The following TPST1 variants were observed in gnomAD, a reference collection of about 807,000 sequenced individuals.
The protein encoded by TPST1 is tyrosylprotein sulfotransferase 1.
TPST1 carries 20 observed loss-of-function variants against 34.8 expected under a neutral mutation model. The observed-to-expected ratio is 0.57, with a 90% CI of 0.40 to 0.84. TPST1 has a LOEUF of 0.84. TPST1 is among the 40% of genes least tolerant of loss of function. The pLI is 0.00. For missense variants in TPST1, 353 were observed against 455.5 expected, an observed-to-expected ratio of 0.78 and a Z score of 2.05; for synonymous variants, 152 against 159.4, an observed-to-expected ratio of 0.95 and a Z score of 0.35.
At chr7:66,311,949 A>T (rs1201893064) in intron 3 of TPST1, among the ~76,000 whole-genome samples, 2 of 152,152 alleles carry the variant, frequency 1.3e-5, no homozygotes, top group South Asian at 2.1e-4. Flanking sequence ...TATCCCAATA[A>T]TTTGTGTTTT....
intron 1 of TPST1, among the ~76,000 whole-genome samples, chr7:66,215,785 T>G (rs1171345050): frequency 1.3e-5 from 2 of 149,164 alleles, no homozygotes; most frequent in East Asian, 3.9e-4. Flanking sequence ...CTTTTTTTTT[T>G]TTTTTGAGAC....
intron 1 of TPST1, among the ~76,000 whole-genome samples, chr7:66,226,248 C>G (rs1584149487): frequency 6.6e-6 from 1 of 152,050 alleles, no homozygotes; most frequent in Non-Finnish European, 1.5e-5. Context: ...TAAGTATGCT[C>G]TGGTAGAGGA....
At chr7:66,309,902 A>G (rs913767248) in intron 3 of TPST1, among the ~76,000 whole-genome samples, 5 of 152,058 alleles carry the variant, frequency 3.3e-5, no homozygotes, top group African/African-American at 1.2e-4. Flanking sequence ...GAGTTATACA[A>G]TTCTTTTAAA....
At chr7:66,310,347 T>C (rs1791505336) in intron 3 of TPST1, among the ~76,000 whole-genome samples, 1 of 152,198 alleles carries the variant, frequency 6.6e-6, no homozygotes, top group Non-Finnish European at 1.5e-5. Flanking sequence ...GAAGTTATCA[T>C]CAATAACACA....
At chr7:66,339,934 A>G (rs1232785655) in intron 3 of TPST1, among the ~76,000 whole-genome samples, 1 of 152,074 alleles carries the variant, frequency 6.6e-6, no homozygotes, top group Non-Finnish European at 1.5e-5. Context: ...CATTACATTA[A>G]TACAATCAAG....
chr7:66,296,637 T>C (rs74607585), intron 3 of TPST1, among the ~76,000 whole-genome samples: 1 of 149,366 alleles, frequency 6.7e-6, no homozygotes, highest in African/African-American at 2.5e-5. Flanking sequence ...TGACTGAGAA[T>C]ATAGGATTTA....
intron 3 of TPST1, among the ~76,000 whole-genome samples, chr7:66,331,655 T>C (rs928671190): frequency 6.6e-6 from 1 of 152,186 alleles, no homozygotes; most frequent in African/African-American, 2.4e-5. Context: ...GTGTCTGTCT[T>C]CTCCTTATGT....
At chr7:66,243,112 A>G (rs1466795404) in intron 2 of TPST1, among the ~76,000 whole-genome samples, 1 of 151,966 alleles carries the variant, frequency 6.6e-6, no homozygotes, top group Non-Finnish European at 1.5e-5. Context: ...TCTTTTAGGT[A>G]TATACCAATG....
intron 1 of TPST1, among the ~76,000 whole-genome samples, chr7:66,234,314 A>T (rs1370204816): frequency 6.6e-6 from 1 of 151,742 alleles, no homozygotes; most frequent in African/African-American, 2.4e-5. Context: ...TGTTCTTTTT[A>T]TTTTTAAAAT....
rs140106083 is a variant in TPST1 at position 66,239,310 on chromosome 7, C to T, written c.-101-1015C>T. On this transcript the variant is annotated intron_variant, in intron 1 of 5. Transcript: ENST00000304842. Reference sequence around the variant, plus strand: ...CTTCCTACTTTCTGTAAAACTTTTACAGCTTCCTCAGGTCAATTACATGCT... The same window carrying T: ...CTTCCTACTTTCTGTAAAACTTTTATAGCTTCCTCAGGTCAATTACATGCT... 5.0e-3 allele frequency among the ~76,000 whole-genome samples: 767 copies of T among 152,332 alleles called. 12 individuals carry two copies. The highest frequency in any genetic ancestry group is 0.017 in the African/African-American group (699 of 41,590).
rs569452408 is a variant in TPST1, at chr7:66,268,479, T to G, written c.846-18032T>G. Among the ~76,000 whole-genome samples, 16 of 152,178 alleles carry G rather than the reference T, an allele frequency of 1.1e-4. No individual in the cohort carries two copies. In the East Asian group the frequency reaches 2.1e-3, roughly 20 times the overall value. ...CCAAACATATCGGAATTTAAGACAG[T>G]GGAATGATATCTTACAGAAAGGAGT... is the stretch of plus-strand genomic sequence containing the variant. On this transcript the variant is annotated intron_variant, in intron 2 of 5. Coordinates refer to ENST00000304842, the MANE Select transcript of TPST1 (RefSeq NM_003596.4).
chr7:66,248,906 A>C (rs547319363), intron 2 of TPST1, among the ~76,000 whole-genome samples: 2 of 152,180 alleles, frequency 1.3e-5, no homozygotes, highest in Non-Finnish European at 2.9e-5. Context: ...TTACAAACAC[A>C]GAAGTTGATT....
intron 3 of TPST1, among the ~76,000 whole-genome samples, chr7:66,327,939 C>T (rs1017881649): frequency 6.7e-6 from 1 of 150,222 alleles, no homozygotes; most frequent in Non-Finnish European, 1.5e-5. Flanking sequence ...CCAAATCTGG[C>T]CTATCATACA....
intron 1 of TPST1, among the ~76,000 whole-genome samples, chr7:66,233,790 CCT>C (rs1789848261): frequency 1.3e-5 from 2 of 152,274 alleles, no homozygotes; most frequent in South Asian, 4.1e-4. Flanking sequence ...TGTGATCTGA[CCT>C]CTGCCCAGTT....
At chr7:66,356,963 A>G (rs1792594558) in intron 5 of TPST1, 92 bp downstream of exon 5, 1 of 1,282,866 alleles carries the variant, frequency 7.8e-7, no homozygotes, top group Non-Finnish European at 1.1e-6. Flanking sequence ...ACAGCTCTGG[A>G]GTCCGTCTGC....
intron 1 of TPST1, among the ~76,000 whole-genome samples, chr7:66,212,702 C>T (rs1179308455): frequency 6.6e-6 from 1 of 152,102 alleles, no homozygotes; most frequent in Non-Finnish European, 1.5e-5. Flanking sequence ...TCAAGTGATT[C>T]CCCCACCTTG....
chr7:66,324,510 A>G (rs1791820934), intron 3 of TPST1, among the ~76,000 whole-genome samples: 1 of 152,154 alleles, frequency 6.6e-6, no homozygotes, highest in Non-Finnish European at 1.5e-5. Flanking sequence ...TGCTGGTGCA[A>G]TGATAGCCAT....
At chr7:66,339,400 C>T (rs1792188320) in intron 3 of TPST1, among the ~76,000 whole-genome samples, 1 of 152,168 alleles carries the variant, frequency 6.6e-6, no homozygotes, top group Non-Finnish European at 1.5e-5. Context: ...CCTGTTGCTT[C>T]ACTGCTAAAT....
upstream of TPST1, among the ~76,000 whole-genome samples, chr7:66,204,219 G>A (rs779735491): frequency 2.0e-5 from 3 of 151,998 alleles, no homozygotes; most frequent in African/African-American, 4.8e-5. Flanking sequence ...TTATTCGGCC[G>A]TAACAAGGAA....
Sources: allele counts gnomAD v4.1 joint callset (sites outside exome capture counted in the v4.1 genomes callset), GRCh38; gene constraint gnomAD v4.1.1; transcripts MANE v1.5; gene names NCBI Gene and HGNC (gene_info 2026-07-23, HGNC 2026-07-21).